The following OR9Q1 variants were observed in gnomAD, a reference collection of about 807,000 sequenced individuals.
OR9Q1 encodes olfactory receptor 9Q1.
For synonymous variants in OR9Q1, 153 were observed against 148.6 expected (o/e 1.03, Z -0.22); for missense variants, 374 against 378.8 (o/e 0.99, Z 0.11).
intron 1 of OR9Q1, among the ~76,000 whole-genome samples, chr11:58,050,577 CA>C (rs1853264621): frequency 8.6e-6 from 1 of 115,644 alleles, no homozygotes; most frequent in Admixed American, 9.5e-5. Flanking sequence ...GCAATGGCAA[CA>C]AAAGCCAAAA....
chr11:58,144,018 A>G (rs1565089066), intron 2 of OR9Q1, among the ~76,000 whole-genome samples: 1 of 152,082 alleles, frequency 6.6e-6, no homozygotes. Context: ...GCCTTAATTT[A>G]TCTTTTATTT....
intron 2 of OR9Q1, among the ~76,000 whole-genome samples, chr11:58,068,777 G>A (rs2443447): frequency 0.53 from 80,573 of 151,970 alleles, 21,730 homozygotes; most frequent in Middle Eastern, 0.6. Context: ...TGTGAATAGC[G>A]GCTCTCAGGG....
chr11:58,170,230 T>TG (rs532647712), intron 2 of OR9Q1, among the ~76,000 whole-genome samples: 1 of 152,094 alleles, frequency 6.6e-6, no homozygotes, highest in African/African-American at 2.4e-5. Context: ...CACTCAGGTT[T>TG]GGGGGGTACT....
At chr11:58,130,893 G>A (rs918336212) in intron 2 of OR9Q1, among the ~76,000 whole-genome samples, 2 of 150,736 alleles carry the variant, frequency 1.3e-5, no homozygotes, top group Non-Finnish European at 1.5e-5. Context: ...AATCATTAAT[G>A]TCTATAATAG....
At chr11:58,085,351 A>G (rs544522004) in intron 2 of OR9Q1, among the ~76,000 whole-genome samples, 22 of 151,832 alleles carry the variant, frequency 1.4e-4, no homozygotes, top group Non-Finnish European at 2.4e-4. Context: ...TGTATTAATC[A>G]TCTCCAAAAG....
chr11:58,121,000 C>CT (rs1345265505), intron 2 of OR9Q1, among the ~76,000 whole-genome samples: 1 of 151,826 alleles, frequency 6.6e-6, no homozygotes, highest in African/African-American at 2.4e-5. Flanking sequence ...TATATTTTGA[C>CT]TACGGGTTGA....
At chr11:58,161,057 A>G (rs1259091573) in intron 2 of OR9Q1, among the ~76,000 whole-genome samples, 2 of 150,522 alleles carry the variant, frequency 1.3e-5, no homozygotes, top group Non-Finnish European at 3.0e-5. Context: ...TGAATAGGGG[A>G]CACAGGGCGG....
At chr11:58,134,637 T>G (rs1407888877) in intron 2 of OR9Q1, among the ~76,000 whole-genome samples, 1 of 152,172 alleles carries the variant, frequency 6.6e-6, no homozygotes, top group Non-Finnish European at 1.5e-5. Flanking sequence ...TATGCCCTTC[T>G]AGAATTTTAT....
Position 58,119,270 on chromosome 11 carries a change from T to C in OR9Q1, c.-14-60161T>C, listed in dbSNP as rs140752160. Reference sequence around the variant, plus strand: ...GAGAGGTGGCTCAGGAAGAAGTACATTGGGGTGTAGAGTTTGACATCTACT... The same window carrying C: ...GAGAGGTGGCTCAGGAAGAAGTACACTGGGGTGTAGAGTTTGACATCTACT... On this transcript the variant is annotated intron_variant, in intron 2 of 2. Transcript: ENST00000335397. The C allele has an allele frequency of 6.2e-6, 10 of 1,613,908 alleles. No homozygotes were observed. The South Asian group carries it at 6.6e-5, about 11-fold the overall frequency.
At chr11:58,161,829 G>A (rs918206034) in intron 2 of OR9Q1, among the ~76,000 whole-genome samples, 2 of 152,178 alleles carry the variant, frequency 1.3e-5, no homozygotes, top group East Asian at 3.8e-4. Flanking sequence ...ACCGCACCCG[G>A]CCCTCTGGTT....
chr11:58,169,464 C>T (rs1047368153), intron 2 of OR9Q1, among the ~76,000 whole-genome samples: 9 of 151,726 alleles, frequency 5.9e-5, no homozygotes, highest in African/African-American at 2.2e-4. Flanking sequence ...GTTCTCTTTC[C>T]CCCTGGTGGC....
At chr11:58,118,033 G>A (rs1853975600) in intron 2 of OR9Q1, 1 of 153,126 alleles carries the variant, frequency 6.5e-6, no homozygotes, top group South Asian at 2.1e-4. Context: ...CCTGCTTAGT[G>A]AGGTGATCAG....
intron 2 of OR9Q1, among the ~76,000 whole-genome samples, chr11:58,122,539 T>A (rs1155857): frequency 6.6e-6 from 1 of 152,180 alleles, no homozygotes; most frequent in Admixed American, 6.6e-5. Flanking sequence ...AGGCTCTGTA[T>A]CTACTAAATA....
chr11:58,123,885 C>A (rs978046489), intron 2 of OR9Q1, among the ~76,000 whole-genome samples: 1 of 152,100 alleles, frequency 6.6e-6, no homozygotes, highest in African/African-American at 2.4e-5. Flanking sequence ...GTTTTTTCTT[C>A]TTTTTCTTTC....
Position 58,119,414 on chromosome 11 carries a change from C to T in OR9Q1, c.-14-60017C>T, listed in dbSNP as rs145179217. 52 of 1,611,742 alleles carry T rather than the reference C, an allele frequency of 3.2e-5. No individual in the cohort carries two copies. In the African/African-American group the frequency reaches 3.5e-4, roughly 11 times the overall value. On this transcript the variant is annotated intron_variant, in intron 2 of 2. Coordinates refer to ENST00000335397, the MANE Select transcript of OR9Q1 (RefSeq NM_001005212.4). ...TCCATAAAGCCCATGAGAATGAATT[C>T]GGTTACTCTGGTGAGATTATTCTTG... is the stretch of plus-strand genomic sequence containing the variant.
At chr11:58,040,515 T>C (rs1853151511) in intron 1 of OR9Q1, among the ~76,000 whole-genome samples, 1 of 152,256 alleles carries the variant, frequency 6.6e-6, no homozygotes, top group Admixed American at 6.5e-5. Context: ...CAATCACGTA[T>C]TCTGTCTCCT....
chr11:58,032,214 A>G (rs1474311960), intron 1 of OR9Q1, among the ~76,000 whole-genome samples: 2 of 152,238 alleles, frequency 1.3e-5, no homozygotes, highest in African/African-American at 2.4e-5. Context: ...TGCTATTCCT[A>G]TCAAACTATC....
chr11:58,154,870 C>G (rs4938885), intron 2 of OR9Q1, among the ~76,000 whole-genome samples: 37,073 of 152,174 alleles, frequency 0.24, 5,677 homozygotes, highest in East Asian at 0.59. Context: ...CCTCCCACTA[C>G]ACTGGGCTTT....
chr11:58,127,352 G>C (rs1289038438), intron 2 of OR9Q1, among the ~76,000 whole-genome samples: 1 of 152,190 alleles, frequency 6.6e-6, no homozygotes, highest in Non-Finnish European at 1.5e-5. Context: ...GCCTCACTGA[G>C]GGAGTGCTTG....
Sources: gnomAD v4.1 joint callset for allele counts (sites outside exome capture counted in the v4.1 genomes callset) on GRCh38, gnomAD v4.1.1 for gene constraint, MANE v1.5 for transcripts, NCBI Gene and HGNC (gene_info 2026-07-23, HGNC 2026-07-21) for gene names.